CTBP2: variants seen among roughly 807,000 people sequenced by gnomAD.
The protein encoded by CTBP2 is C-terminal binding protein 2, also known as C-terminal-binding protein 2.
In CTBP2, 30 loss-of-function variants were observed where a neutral mutation model predicts 80.3. The observed-to-expected ratio is 0.37, with a 90% CI of 0.28 to 0.51. The LOEUF is 0.51. Ranked by LOEUF, CTBP2 falls within the 20% of genes least tolerant of loss-of-function variation. CTBP2 has a pLI of 0.93. For missense variants in CTBP2, 1,212 were observed against 1,375.3 expected (o/e 0.88, Z 1.88); for synonymous variants, 594 against 587.4 (o/e 1.01, Z -0.16).
intron 1 of CTBP2, among the ~76,000 whole-genome samples, chr10:125,124,154 G>A (rs772518915): frequency 1.1e-4 from 16 of 152,180 alleles, no homozygotes; most frequent in Non-Finnish European, 1.5e-4. Context: ...CCAGGGTCAG[G>A]GGAGACCCAG....
chr10:125,136,169 G>A (rs1856942942), intron 1 of CTBP2, among the ~76,000 whole-genome samples: 1 of 152,216 alleles, frequency 6.6e-6, no homozygotes, highest in South Asian at 2.1e-4. Flanking sequence ...ATAAGGATGA[G>A]AACGAAGGGG....
At chr10:125,002,912 C>G in intron 3 of CTBP2, 48 bp downstream of exon 5, 2 of 1,602,852 alleles carry the variant, frequency 1.2e-6, no homozygotes, top group Non-Finnish European at 1.7e-6. Context: ...GAGCAGGGCC[C>G]ACAGAGCTCC....
At chr10:125,141,701 G>A (rs1248992881) in intron 1 of CTBP2, among the ~76,000 whole-genome samples, 2 of 151,572 alleles carry the variant, frequency 1.3e-5, no homozygotes, top group East Asian at 1.9e-4. Flanking sequence ...GTAAGCACAC[G>A]GTAAACACTC....
At position 124,984,650 on chromosome 10, in the gene CTBP2, GAA is replaced by G. The variant is rs1951993079; in HGVS notation, c.*4866_*4867del. On this transcript the variant is annotated 3_prime_UTR_variant, in exon 9 of 9. Transcript: ENST00000309035. The stretch of plus-strand genomic sequence containing the variant: ...AACTTCCAAGAGGTCAAAACCATGT[GAA>G]AAGTTGATTGCTTTGGCCTTTTCAT... 4 of 956,640 alleles carry G rather than the reference GAA, an allele frequency of 4.2e-6. No individual in the cohort carries two copies. Among genetic ancestry groups the G allele is most frequent in the Non-Finnish European group, 3.1e-6 (2 of 652,080 alleles). The allele number at this position is 956,640 out of a possible 1,614,324, so 59.3% of individuals were successfully genotyped here. A position where few individuals can be genotyped will look rare whatever the true frequency, so the allele number is the denominator to read the frequency against.
intron 2 of CTBP2, among the ~76,000 whole-genome samples, chr10:125,102,199 C>T (rs1012748503): frequency 6.6e-6 from 1 of 152,180 alleles, no homozygotes; most frequent in African/African-American, 2.4e-5. Flanking sequence ...AGGTCAACAC[C>T]ATCAGAGGAG....
intron 1 of CTBP2, among the ~76,000 whole-genome samples, chr10:125,143,207 G>A (rs1858154348): frequency 6.6e-6 from 1 of 152,162 alleles, no homozygotes. Context: ...GCCTCAGCCG[G>A]CCGGGTGTGT....
At chr10:125,005,607 G>A (rs1398889553) in intron 1 of CTBP2, 7 of 1,612,828 alleles carry the variant, frequency 4.3e-6, no homozygotes, top group Non-Finnish European at 5.9e-6. Flanking sequence ...TACCCCCTCA[G>A]CTCATCCGCG....
At chr10:125,073,594 T>A (rs1468151199) in intron 2 of CTBP2, among the ~76,000 whole-genome samples, 2 of 152,236 alleles carry the variant, frequency 1.3e-5, no homozygotes, top group East Asian at 3.8e-4. Context: ...GATAAACATG[T>A]TAATAAAATT....
intron 2 of CTBP2, among the ~76,000 whole-genome samples, chr10:125,096,459 C>G (rs914255140): frequency 7.9e-5 from 12 of 152,196 alleles, no homozygotes; most frequent in Admixed American, 6.5e-4. Flanking sequence ...CTTCCTATTT[C>G]CCAGCTCAGA....
chr10:125,060,455 TC>T (rs1964732504), intron 2 of CTBP2, among the ~76,000 whole-genome samples: 1 of 142,518 alleles, frequency 7.0e-6, no homozygotes, highest in African/African-American at 2.7e-5. Context: ...GATATTCCAT[TC>T]CCCCCACGTG....
intron 2 of CTBP2, among the ~76,000 whole-genome samples, chr10:125,057,339 C>G (rs180814677): frequency 2.0e-5 from 3 of 152,328 alleles, no homozygotes; most frequent in Admixed American, 6.5e-5. Flanking sequence ...GAGAGACACA[C>G]ACATGGCTTA....
chr10:125,112,258 G>A (rs1358874792), intron 1 of CTBP2, among the ~76,000 whole-genome samples: 5 of 151,260 alleles, frequency 3.3e-5, no homozygotes, highest in Non-Finnish European at 5.9e-5. Flanking sequence ...GACTACAGGC[G>A]CCTGCCACCA....
chr10:124,992,966 C>T (rs537329635), intron 7 of CTBP2, among the ~76,000 whole-genome samples, 154 bp from the exon 10 acceptor site: 3 of 152,352 alleles, frequency 2.0e-5, no homozygotes, highest in Admixed American at 6.5e-5. Flanking sequence ...CACTGACCTT[C>T]AGCCTCTGTG....
intron 1 of CTBP2, chr10:125,005,656 C>T (rs541868435): frequency 1.2e-6 from 2 of 1,612,946 alleles, no homozygotes; most frequent in African/African-American, 1.3e-5. Flanking sequence ...AGGAACCCGA[C>T]ACACATGGCT....
At chr10:125,126,924 T>TTCTCTCTCTC (rs67378138) in intron 1 of CTBP2, among the ~76,000 whole-genome samples, 9 of 138,562 alleles carry the variant, frequency 6.5e-5, no homozygotes, top group South Asian at 2.4e-4. Context: ...CACACACACA[T>TTCTCTCTCTC]TCTCTCTCTC....
chr10:125,075,719 T>C (rs893351851), intron 2 of CTBP2, among the ~76,000 whole-genome samples: 2 of 152,060 alleles, frequency 1.3e-5, no homozygotes, highest in Admixed American at 1.3e-4. Flanking sequence ...ACCAGGAAAA[T>C]ATAGATTAAA....
chr10:125,051,148 G>A (rs1184518441), intron 2 of CTBP2, among the ~76,000 whole-genome samples: 1 of 152,104 alleles, frequency 6.6e-6, no homozygotes, highest in East Asian at 1.9e-4. Flanking sequence ...CAAATAAATG[G>A]GAAAAAAGGT....
At chr10:125,078,252 C>A (rs1044461724) in intron 2 of CTBP2, among the ~76,000 whole-genome samples, 1 of 145,964 alleles carries the variant, frequency 6.9e-6, no homozygotes, top group Non-Finnish European at 1.5e-5. Flanking sequence ...TGCACTCCAG[C>A]CTGGGCGACA....
chr10:125,021,242 C>G (rs544013214), intron 1 of CTBP2, among the ~76,000 whole-genome samples: 1 of 152,352 alleles, frequency 6.6e-6, no homozygotes, highest in African/African-American at 2.4e-5. Context: ...CACAAGCCCT[C>G]TCTTCCTTCT....
Sources: allele counts gnomAD v4.1 joint callset (sites outside exome capture counted in the v4.1 genomes callset), GRCh38; gene constraint gnomAD v4.1.1; transcripts MANE v1.5; gene names NCBI Gene and HGNC (gene_info 2026-07-23, HGNC 2026-07-21).